The following PPP2R5E variants were observed in gnomAD, a reference collection of about 807,000 sequenced individuals.
PPP2R5E encodes the protein protein phosphatase 2 regulatory subunit B'epsilon.
Under a neutral mutation model 65.3 loss-of-function variants are expected in PPP2R5E, and 4 were observed. The observed-to-expected ratio is 0.06, with a 90% confidence interval of 0.03 to 0.14. The LOEUF (loss-of-function observed/expected upper bound fraction) is 0.14, where lower values mean the gene tolerates loss of function less well. Among genes scored for constraint, PPP2R5E ranks in the 10% least tolerant of loss-of-function variants. The probability of loss-of-function intolerance (pLI) is 1.00; values close to 1 mark genes in which losing one functional copy is unlikely to be tolerated. For synonymous variants in PPP2R5E, 183 were observed against 187.4 expected, an observed-to-expected ratio of 0.98 and a Z score of 0.19; for missense variants, 274 against 556.1, an observed-to-expected ratio of 0.49 and a Z score of 5.10.
chr14:63,497,933 AAT>A (rs1399056917), intron 2 of PPP2R5E, among the ~76,000 whole-genome samples: 2 of 152,200 alleles, frequency 1.3e-5, no homozygotes, highest in Non-Finnish European at 2.9e-5. Flanking sequence ...TCTACTGTTC[AAT>A]ATTTCTATTA....
intron 5 of PPP2R5E, among the ~76,000 whole-genome samples, chr14:63,407,692 T>C (rs551669125): frequency 3.3e-5 from 5 of 152,354 alleles, no homozygotes; most frequent in African/African-American, 1.2e-4. Context: ...AGTCTGAATG[T>C]GTCCCCCAAA....
intron 4 of PPP2R5E, among the ~76,000 whole-genome samples, chr14:63,418,878 G>C (rs540929913): frequency 8.1e-6 from 1 of 123,310 alleles, no homozygotes; most frequent in Non-Finnish European, 1.6e-5. Flanking sequence ...AGATGGTCTC[G>C]CTCTGTTGCC....
At chr14:63,514,943 A>C (rs1892605700) in intron 2 of PPP2R5E, among the ~76,000 whole-genome samples, 1 of 152,178 alleles carries the variant, frequency 6.6e-6, no homozygotes, top group Non-Finnish European at 1.5e-5. Context: ...CTCACAAGGA[A>C]AATTCACTAA....
At position 63,391,977 on chromosome 14, in the gene PPP2R5E, C is replaced by G; in HGVS notation, c.898G>C (p.Glu300Gln). The change falls in exon 9 of 14, where the codon GAA becomes CAA. Residue 300 changes from glutamate (E) to glutamine (Q), a missense_variant. Glu to Gln is a conservative substitution (Grantham distance 29). This residue lies in a region of PPP2R5E where 129 missense variants were observed against 254.9 expected (regional missense o/e 0.51). Transcript: ENST00000337537. ...ATTATGGAAAAAAGACTTACTGGTT[C>G]TGTGAGTGAAGGATCTTTCTCCAGA... ...QFLEKDPSLTEPVIRGLMKFW... is the reference protein window; with the variant it reads ...QFLEKDPSLTQPVIRGLMKFW... The G allele has an allele frequency of 2.5e-6, 4 of 1,611,202 alleles. No homozygotes were observed. Among genetic ancestry groups the G allele is most frequent in the Non-Finnish European group, 3.4e-6 (4 of 1,178,708 alleles).
chr14:63,473,995 A>G (rs1178788576), intron 2 of PPP2R5E, among the ~76,000 whole-genome samples: 2 of 152,250 alleles, frequency 1.3e-5, no homozygotes, highest in African/African-American at 2.4e-5. Context: ...AGGGAGAGAC[A>G]TTCATATGAT....
intron 2 of PPP2R5E, among the ~76,000 whole-genome samples, chr14:63,522,863 G>A (rs1376167364): frequency 1.3e-5 from 2 of 151,210 alleles, no homozygotes; most frequent in African/African-American, 2.4e-5. Context: ...GGAGGTGGGG[G>A]GGGTCAGCCC....
At chr14:63,447,158 C>G (rs373743033) in intron 3 of PPP2R5E, among the ~76,000 whole-genome samples, 1 of 152,300 alleles carries the variant, frequency 6.6e-6, no homozygotes. Context: ...GCATTAGTTC[C>G]TAACAAGAGA....
At chr14:63,415,804 G>A (rs1886653680) in intron 4 of PPP2R5E, among the ~76,000 whole-genome samples, 1 of 152,070 alleles carries the variant, frequency 6.6e-6, no homozygotes. Context: ...CATTTAAGTA[G>A]TTTCTGAATT....
chr14:63,498,818 C>A (rs1356413266), intron 2 of PPP2R5E, among the ~76,000 whole-genome samples: 1 of 152,010 alleles, frequency 6.6e-6, no homozygotes, highest in Non-Finnish European at 1.5e-5. Context: ...ATAATCAAAT[C>A]CCTTATAACA....
intron 2 of PPP2R5E, among the ~76,000 whole-genome samples, chr14:63,456,177 C>A (rs976117342): frequency 2.6e-5 from 4 of 152,220 alleles, no homozygotes; most frequent in Non-Finnish European, 5.9e-5. Flanking sequence ...ATCAGACTAT[C>A]TACATGTTGA....
At chr14:63,529,298 G>A (rs530006566) in intron 2 of PPP2R5E, among the ~76,000 whole-genome samples, 22 of 149,716 alleles carry the variant, frequency 1.5e-4, no homozygotes, top group Non-Finnish European at 2.8e-4. Context: ...AGATAGATCC[G>A]CCCACCTCAG....
At chr14:63,533,028 G>C (rs1247434091) in intron 2 of PPP2R5E, among the ~76,000 whole-genome samples, 1 of 151,908 alleles carries the variant, frequency 6.6e-6, no homozygotes, top group African/African-American at 2.4e-5. Context: ...TTAGAGACAG[G>C]CCTGCTATGT....
intron 3 of PPP2R5E, among the ~76,000 whole-genome samples, chr14:63,442,109 G>A (rs192516507): frequency 9.3e-4 from 142 of 152,164 alleles, no homozygotes; most frequent in East Asian, 2.5e-3. Context: ...GAAAAATTAC[G>A]AATGCTAACA....
intron 5 of PPP2R5E, among the ~76,000 whole-genome samples, chr14:63,406,346 G>A (rs1490375767): frequency 5.3e-5 from 8 of 151,560 alleles, no homozygotes; most frequent in Admixed American, 5.3e-4. Context: ...GGGAGGCGGA[G>A]GTTGCCGTGA....
intron 2 of PPP2R5E, among the ~76,000 whole-genome samples, chr14:63,536,343 C>T (rs1012592080): frequency 6.6e-6 from 1 of 152,080 alleles, no homozygotes; most frequent in African/African-American, 2.4e-5. Flanking sequence ...CCACTTCATA[C>T]CTATTATAAT....
At chr14:63,458,967 G>C (rs373123143) in intron 2 of PPP2R5E, among the ~76,000 whole-genome samples, 1 of 152,084 alleles carries the variant, frequency 6.6e-6, no homozygotes, top group Non-Finnish European at 1.5e-5. Flanking sequence ...AATGAGAATA[G>C]TAAGTATGGC....
chr14:63,472,805 G>A (rs1477343247), intron 2 of PPP2R5E, among the ~76,000 whole-genome samples: 1 of 152,210 alleles, frequency 6.6e-6, no homozygotes, highest in African/African-American at 2.4e-5. Flanking sequence ...AGGGAGGAAT[G>A]AGGACATACC....
chr14:63,489,416 C>CTTT (rs200892473), intron 2 of PPP2R5E, among the ~76,000 whole-genome samples: 5 of 141,906 alleles, frequency 3.5e-5, no homozygotes, highest in African/African-American at 1.0e-4. Flanking sequence ...TTGTTGTTTT[C>CTTT]TTTTTTTTTT....
chr14:63,535,295 A>G (rs1893623141), intron 2 of PPP2R5E, among the ~76,000 whole-genome samples: 1 of 152,018 alleles, frequency 6.6e-6, no homozygotes, highest in Admixed American at 6.6e-5. Flanking sequence ...GGTGGTGGGC[A>G]CCTGCAATCC....
Sources: gnomAD v4.1 joint callset for allele counts (sites outside exome capture counted in the v4.1 genomes callset) on GRCh38, gnomAD v4.1.1 for gene constraint, gnomAD v4.1.1 regional missense constraint, MANE v1.5 for transcripts, NCBI Gene and HGNC (gene_info 2026-07-23, HGNC 2026-07-21) for gene names.